CNTN6: variants seen among roughly 807,000 people sequenced by gnomAD.
The protein encoded by CNTN6 is contactin 6.
CNTN6 carries 137 observed loss-of-function variants against 122.8 expected under a neutral mutation model. That is an observed-to-expected ratio of 1.12 (90% CI 0.97 to 1.29). The LOEUF is 1.29. Among genes scored for constraint, CNTN6 ranks in the 50% most tolerant of loss-of-function variants. The pLI, the probability that CNTN6 is intolerant of heterozygous loss-of-function variation, is 0.00. For missense variants in CNTN6, 1,634 were observed against 1,223.4 expected, an observed-to-expected ratio of 1.34 and a Z score of -5.01; for synonymous variants, 570 against 426.0, an observed-to-expected ratio of 1.34 and a Z score of -4.16.
intron 1 of CNTN6, among the ~76,000 whole-genome samples, chr3:1,122,376 A>AAGGGAGGG (rs200370708): frequency 6.8e-6 from 1 of 146,212 alleles, no homozygotes; most frequent in African/African-American, 2.6e-5. Context: ...GGAAGGAAGG[A>AAGGGAGGG]AGGGAGGAAT....
At chr3:1,321,369 T>C (rs995191200) in intron 7 of CNTN6, among the ~76,000 whole-genome samples, 1 of 151,494 alleles carries the variant, frequency 6.6e-6, no homozygotes, top group African/African-American at 2.4e-5. Flanking sequence ...GTTTTCCCAC[T>C]AGTCTGTAAG....
intron 1 of CNTN6, among the ~76,000 whole-genome samples, chr3:1,102,474 T>C (rs1252876410): frequency 6.6e-6 from 1 of 152,148 alleles, no homozygotes; most frequent in Admixed American, 6.5e-5. Context: ...CTCCCGCCTG[T>C]AATCCCAGCA....
At chr3:1,351,810 A>G (rs1705683562) in intron 11 of CNTN6, among the ~76,000 whole-genome samples, 1 of 151,890 alleles carries the variant, frequency 6.6e-6, no homozygotes, top group African/African-American at 2.4e-5. Context: ...GGAACCATAT[A>G]GATAGTTTCT....
At chr3:1,371,766 C>A (rs1278124055) in intron 12 of CNTN6, among the ~76,000 whole-genome samples, 1 of 152,136 alleles carries the variant, frequency 6.6e-6, no homozygotes. Context: ...CTTCCCTATT[C>A]ATGTTGCATC....
chr3:1,382,107 A>AC (rs1004610753), intron 17 of CNTN6, among the ~76,000 whole-genome samples: 36 of 138,038 alleles, frequency 2.6e-4, no homozygotes, highest in African/African-American at 9.2e-4. Context: ...ATATTTATTA[A>AC]AAAAAAAAAA....
chr3:1,268,555 C>A (rs9835011), intron 4 of CNTN6, among the ~76,000 whole-genome samples: 60,305 of 135,976 alleles, frequency 0.44, 14,402 homozygotes, highest in East Asian at 0.8. Flanking sequence ...TGCAGTGAGC[C>A]GAGATTGAGC....
chr3:1,201,097 TTTTGTGTGTGTGTGTGTGTGTGTGTGTG>T (rs1242207812), intron 2 of CNTN6, among the ~76,000 whole-genome samples: 1 of 112,754 alleles, frequency 8.9e-6, no homozygotes, highest in Non-Finnish European at 1.8e-5. Flanking sequence ...CCAGCTAACA[TTTTGTGTGTGTGTGTGTGTGTGTGTGTG>T]TGTGTGTGTG....
chr3:1,194,713 T>C (rs1437430317), intron 2 of CNTN6, among the ~76,000 whole-genome samples: 4 of 152,126 alleles, frequency 2.6e-5, no homozygotes, highest in Non-Finnish European at 5.9e-5. Context: ...CTGTGCCTTA[T>C]ACATGGAAAG....
chr3:1,192,364 T>G (rs1215331336), intron 2 of CNTN6, among the ~76,000 whole-genome samples: 1 of 152,164 alleles, frequency 6.6e-6, no homozygotes, highest in Non-Finnish European at 1.5e-5. Flanking sequence ...CTACTACTAA[T>G]CTTTCAAAAC....
chr3:1,282,240 C>G (rs957742033), intron 5 of CNTN6, among the ~76,000 whole-genome samples: 3 of 150,294 alleles, frequency 2.0e-5, no homozygotes, highest in Non-Finnish European at 4.4e-5. Flanking sequence ...AGGGCTGACT[C>G]CAGCATAGGC....
At chr3:1,260,969 C>G (rs1486416759) in intron 4 of CNTN6, among the ~76,000 whole-genome samples, 2 of 152,058 alleles carry the variant, frequency 1.3e-5, no homozygotes, top group African/African-American at 2.4e-5. Flanking sequence ...TATATTCTCT[C>G]CTTTTTGAAG....
intron 4 of CNTN6, among the ~76,000 whole-genome samples, chr3:1,254,737 G>A (rs1424119057): frequency 6.6e-6 from 1 of 152,114 alleles, no homozygotes; most frequent in Non-Finnish European, 1.5e-5. Flanking sequence ...CAAGAAAGCA[G>A]GATTCAAGAT....
intron 7 of CNTN6, among the ~76,000 whole-genome samples, chr3:1,311,286 TATATAC>T (rs1288943101): frequency 1.4e-5 from 2 of 145,984 alleles, no homozygotes; most frequent in Admixed American, 6.9e-5. Flanking sequence ...TACATATTTA[TATATAC>T]ATATACGTAT....
At position 1,385,760 on chromosome 3, in the gene CNTN6, C is replaced by T; in HGVS notation, c.2667C>T (p.Pro889=). ...CTTACAACACTGCTGGGACAGGGCC[C>T]TCAAGCCCCCCAGTCAATGTTACCA... ...VRAYNTAGTG[P]SSPPVNVTTK... Residue 889 remains proline, a synonymous_variant, in exon 20 of 23, where the codon CCC becomes CCT. Coordinates refer to ENST00000446702, the MANE Select transcript of CNTN6 (RefSeq NM_001289080.2). 1 of 1,613,128 alleles carries T rather than the reference C, an allele frequency of 6.2e-7. No homozygotes were observed. The highest frequency in any genetic ancestry group is 2.2e-5 in the East Asian group (1 of 44,824).
Position 1,376,991 on chromosome 3 carries a change from T to C in CNTN6, c.2096-14T>C. 1 of 1,573,630 alleles carries C rather than the reference T, an allele frequency of 6.4e-7. No homozygotes were observed. The highest frequency in any genetic ancestry group is 8.6e-7 in the Non-Finnish European group (1 of 1,156,632). ...TAATAATTGCCATCCCACATTTCTCTTGGTTATTTTTAGTCCCTGTTGTGG... is the reference window on the plus strand; with the variant it reads ...TAATAATTGCCATCCCACATTTCTCCTGGTTATTTTTAGTCCCTGTTGTGG... On this transcript the variant is annotated splice_polypyrimidine_tract_variant and intron_variant, in intron 16 of 22. Coordinates refer to ENST00000446702, the MANE Select transcript of CNTN6 (RefSeq NM_001289080.2).
chr3:1,375,365 G>A (rs754234509), intron 16 of CNTN6, among the ~76,000 whole-genome samples: 2 of 152,020 alleles, frequency 1.3e-5, no homozygotes, highest in Non-Finnish European at 2.9e-5. Flanking sequence ...TACCCACTGA[G>A]TCAAACTCTA....
intron 5 of CNTN6, among the ~76,000 whole-genome samples, chr3:1,283,783 T>G (rs979820714): frequency 1.3e-4 from 20 of 152,120 alleles, no homozygotes; most frequent in African/African-American, 4.6e-4. Context: ...GCAGATCACC[T>G]GAGGTCAGGA....
At chr3:1,382,660 T>C (rs1462512518) in intron 17 of CNTN6, among the ~76,000 whole-genome samples, 1 of 152,138 alleles carries the variant, frequency 6.6e-6, no homozygotes, top group Non-Finnish European at 1.5e-5. Flanking sequence ...TTTTAAACTG[T>C]TTTATTATTA....
intron 3 of CNTN6, among the ~76,000 whole-genome samples, chr3:1,226,614 T>G (rs1013549087): frequency 2.0e-5 from 3 of 152,138 alleles, no homozygotes; most frequent in African/African-American, 7.2e-5. Flanking sequence ...TTCTTACCAT[T>G]AGATCATACC....
Sources: gnomAD v4.1 joint callset for allele counts (sites outside exome capture counted in the v4.1 genomes callset) on GRCh38, gnomAD v4.1.1 for gene constraint, MANE v1.5 for transcripts, NCBI Gene and HGNC (gene_info 2026-07-23, HGNC 2026-07-21) for gene names.